The following KANK1 variants were observed in gnomAD, a reference collection of about 807,000 sequenced individuals.
The protein encoded by KANK1 is KN motif and ankyrin repeat domain-containing protein 1.
KANK1 carries 109 observed loss-of-function variants against 106.2 expected under a neutral mutation model. The ratio of observed to expected loss-of-function variants is 1.03; its 90% CI spans 0.88 to 1.20. The LOEUF is 1.20. KANK1 is among the 50% of genes most tolerant of loss of function. KANK1 has a pLI of 0.00. For synonymous variants in KANK1, 873 were observed against 652.2 expected (o/e 1.34, Z -5.16); for missense variants, 2,399 against 1,710.7 (o/e 1.40, Z -7.10).
intron 3 of KANK1, among the ~76,000 whole-genome samples, chr9:496,753 A>G (rs1024530021): frequency 6.6e-6 from 1 of 152,118 alleles, no homozygotes; most frequent in Non-Finnish European, 1.5e-5. Context: ...TTTGTCCTTT[A>G]TGAAGCCTAA....
chr9:562,532 G>T (rs1040288460), intron 1 of KANK1, among the ~76,000 whole-genome samples: 2 of 152,190 alleles, frequency 1.3e-5, no homozygotes, highest in Non-Finnish European at 2.9e-5. Context: ...AGTGCACTGA[G>T]ATTATCAGCA....
Position 742,280 on chromosome 9 carries a change from G to A in KANK1, c.3772G>A (p.Ala1258Thr). ...DMVKGLLACGADVNIQDDEGS... is the reference protein window; with the variant it reads ...DMVKGLLACGTDVNIQDDEGS... ...GGTGAAGGGCCTTCTGGCCTGTGGG[G>A]CTGATGTCAACATCCAGGATGACGA... is the stretch of plus-strand genomic sequence containing the variant. Residue 1258 changes from alanine to threonine, a missense_variant, in exon 10 of 12, where the codon GCT (alanine) becomes ACT (threonine). Physicochemically the swap from Ala to Thr is moderately conservative, Grantham distance 58. Transcript: ENST00000382297. 6.2e-7 allele frequency: 1 copy of A among 1,614,198 alleles called. No individual in the cohort carries two copies. The highest frequency in any genetic ancestry group is 8.5e-7 in the Non-Finnish European group (1 of 1,180,036).
intron 2 of KANK1, among the ~76,000 whole-genome samples, chr9:471,149 C>G (rs2058012863): frequency 1.3e-5 from 2 of 152,214 alleles, no homozygotes; most frequent in Admixed American, 6.5e-5. Flanking sequence ...TGCCCTGGAT[C>G]TGATCATCAA....
Position 684,818 on chromosome 9 carries a change from A to G in KANK1, c.37+7809A>G, listed in dbSNP as rs867331252. Among the ~76,000 whole-genome samples the G allele has an allele frequency of 5.9e-5, 9 of 152,288 alleles. No homozygotes were observed. The South Asian group carries it at 1.9e-3, about 32-fold the overall frequency. ...TCACCGCTTTGGCTCCTTTTCTATA[A>G]AAGGTGGTTTGATTTGATCTGGCAT... On this transcript the variant is annotated intron_variant, in intron 2 of 11. Coordinates refer to ENST00000382297, the MANE Select transcript of KANK1 (RefSeq NM_015158.5).
chr9:533,903 C>G (rs2060177813), intron 1 of KANK1, among the ~76,000 whole-genome samples: 1 of 152,168 alleles, frequency 6.6e-6, no homozygotes, highest in South Asian at 2.1e-4. Flanking sequence ...ACAAAACCAC[C>G]AGGCACATTA....
At chr9:707,022 C>G (rs1203214930) in intron 2 of KANK1, 2 of 985,336 alleles carry the variant, frequency 2.0e-6, no homozygotes, top group Middle Eastern at 5.2e-4. Context: ...ACAGGGAATG[C>G]GGAACAGCTG....
chr9:632,401 A>G (rs921739707), intron 1 of KANK1, among the ~76,000 whole-genome samples: 1 of 152,220 alleles, frequency 6.6e-6, no homozygotes, highest in African/African-American at 2.4e-5. Context: ...GTTAATCTTA[A>G]AATGAAAGTT....
chr9:719,194 T>C (rs1159150786), intron 3 of KANK1, among the ~76,000 whole-genome samples: 1 of 152,050 alleles, frequency 6.6e-6, no homozygotes, highest in Non-Finnish European at 1.5e-5. Flanking sequence ...GTCTCGATCT[T>C]CTAACCTCAT....
At chr9:670,598 C>T (rs1433315114) in intron 1 of KANK1, among the ~76,000 whole-genome samples, 1 of 152,112 alleles carries the variant, frequency 6.6e-6, no homozygotes, top group East Asian at 1.9e-4. Flanking sequence ...AATCTACCTC[C>T]TACAGCATAG....
chr9:698,971 G>C (rs1461868320), intron 2 of KANK1, among the ~76,000 whole-genome samples: 1 of 152,138 alleles, frequency 6.6e-6, no homozygotes, highest in Non-Finnish European at 1.5e-5. Context: ...TGTGGAATTA[G>C]GGCTCTGTCT....
chr9:721,094 C>G (rs1369881196), intron 3 of KANK1, among the ~76,000 whole-genome samples: 1 of 152,098 alleles, frequency 6.6e-6, no homozygotes, highest in Non-Finnish European at 1.5e-5. Flanking sequence ...GTTGTATTAC[C>G]AAGGCTTTGA....
chr9:564,833 C>G (rs1031901076), intron 1 of KANK1, among the ~76,000 whole-genome samples: 1 of 152,240 alleles, frequency 6.6e-6, no homozygotes, highest in Non-Finnish European at 1.5e-5. Flanking sequence ...CAGGTCAACT[C>G]ATGTGAGTCT....
chr9:736,978 C>A (rs142086773), intron 7 of KANK1, among the ~76,000 whole-genome samples: 1 of 152,272 alleles, frequency 6.6e-6, no homozygotes, highest in Non-Finnish European at 1.5e-5. Flanking sequence ...CTCCAAATTG[C>A]CGAGCATGGT....
At chr9:664,071 T>C (rs1442544139) in intron 1 of KANK1, among the ~76,000 whole-genome samples, 2 of 152,196 alleles carry the variant, frequency 1.3e-5, no homozygotes, top group Admixed American at 1.3e-4. Context: ...TGGGGGCAGT[T>C]ACCCTGATTC....
intron 3 of KANK1, among the ~76,000 whole-genome samples, chr9:714,799 C>T (rs566994160): frequency 6.4e-4 from 97 of 152,286 alleles, no homozygotes; most frequent in African/African-American, 2.1e-3. Context: ...TCCCTGTGAG[C>T]CTTACCAACC....
chr9:719,771 G>A (rs1335329303), intron 3 of KANK1, among the ~76,000 whole-genome samples: 3 of 151,832 alleles, frequency 2.0e-5, no homozygotes, highest in Non-Finnish European at 2.9e-5. Context: ...TAAGAGATGG[G>A]GTCTTGCTTT....
In KANK1 at chr9:712,393, G is replaced by A. The variant is rs1225866751; in HGVS notation, c.1627G>A (p.Glu543Lys). 1.2e-6 allele frequency: 2 copies of A among 1,614,202 alleles called. No individual in the cohort carries two copies. Among genetic ancestry groups the A allele is most frequent in the South Asian group, 2.2e-5 (2 of 91,080 alleles). Residue 543 changes from glutamate (E) to lysine (K), a missense_variant, in exon 3 of 12, where the codon GAA (glutamate) becomes AAA (lysine). Transcript: ENST00000382297. Reference sequence around the variant, plus strand: ...GGACACGTGTGTTGGGACCTCCGTGGAAACAAACAGTGTAGGCATCTCCTG... The same window carrying A: ...GGACACGTGTGTTGGGACCTCCGTGAAAACAAACAGTGTAGGCATCTCCTG... ...LVDTCVGTSV[E>K]TNSVGISCQP...
At chr9:601,674 A>G (rs1041990835) in intron 1 of KANK1, among the ~76,000 whole-genome samples, 4 of 151,778 alleles carry the variant, frequency 2.6e-5, no homozygotes, top group Admixed American at 2.6e-4. Context: ...TATTATCATC[A>G]TTATTTTCTT....
At chr9:661,684 G>C (rs71488144) in intron 1 of KANK1, among the ~76,000 whole-genome samples, 127,242 of 151,752 alleles carry the variant, frequency 0.84, 53,479 homozygotes, top group East Asian at 0.97. Flanking sequence ...ATTCTAGATC[G>C]TTGAGGAATC....
Sources: gnomAD v4.1 joint callset for allele counts (sites outside exome capture counted in the v4.1 genomes callset) on GRCh38, gnomAD v4.1.1 for gene constraint, MANE v1.5 for transcripts, NCBI Gene and HGNC (gene_info 2026-07-23, HGNC 2026-07-21) for gene names.